The following CALU variants were observed in gnomAD, a reference collection of about 807,000 sequenced individuals.
CALU encodes calumenin, also known as IEF SSP 9302.
CALU carries 13 observed loss-of-function variants against 37.5 expected under a neutral mutation model. That is an observed-to-expected ratio of 0.35 (90% confidence interval 0.23 to 0.55). The LOEUF (loss-of-function observed/expected upper bound fraction) is 0.55. Among genes scored for constraint, CALU ranks in the 20% least tolerant of loss-of-function variants. CALU has a pLI of 0.89. For missense variants in CALU, 282 were observed against 391.7 expected (o/e 0.72, Z 2.36); for synonymous variants, 114 against 133.8 (o/e 0.85, Z 1.02).
At chr7:128,754,208 C>G (rs1232844305) in intron 2 of CALU, 54 bp from the exon 3 acceptor site, 2 of 1,413,854 alleles carry the variant, frequency 1.4e-6, no homozygotes, top group Non-Finnish European at 2.0e-6. Flanking sequence ...CTGGCTAAGT[C>G]CAGAGTTCTG....
At chr7:128,749,399 C>T (rs1022963999) in intron 2 of CALU, among the ~76,000 whole-genome samples, 2 of 152,106 alleles carry the variant, frequency 1.3e-5, no homozygotes, top group African/African-American at 4.8e-5. Flanking sequence ...TTGGCTCTCT[C>T]GGTAGACATC....
intron 2 of CALU, among the ~76,000 whole-genome samples, chr7:128,754,061 C>T (rs945708359): frequency 6.6e-6 from 1 of 152,182 alleles, no homozygotes; most frequent in African/African-American, 2.4e-5. Context: ...GATCCAAGTG[C>T]ACCAGCCATG....
intron 6 of CALU, among the ~76,000 whole-genome samples, chr7:128,768,307 A>G (rs1801409586): frequency 6.6e-6 from 1 of 152,070 alleles, no homozygotes; most frequent in Admixed American, 6.5e-5. Context: ...TTTATTTTAG[A>G]GCCTTTTTAA....
intron 3 of CALU, 75 bp downstream of exon 3, chr7:128,754,530 A>G: frequency 2.5e-6 from 4 of 1,574,872 alleles, no homozygotes; most frequent in Non-Finnish European, 3.5e-6. Flanking sequence ...GTCTTGTAGA[A>G]TGATTGTAGA....
intron 5 of CALU, among the ~76,000 whole-genome samples, chr7:128,762,060 A>G (rs1023312444): frequency 6.7e-6 from 1 of 149,942 alleles, no homozygotes; most frequent in African/African-American, 2.5e-5. Flanking sequence ...TTTTTTTTGG[A>G]GAAGTTTATC....
At chr7:128,753,294 A>G (rs1369559728) in intron 2 of CALU, among the ~76,000 whole-genome samples, 1 of 152,214 alleles carries the variant, frequency 6.6e-6, no homozygotes, top group Non-Finnish European at 1.5e-5. Flanking sequence ...CTTCTGTTGG[A>G]AGTTTTGACT....
intron 6 of CALU, among the ~76,000 whole-genome samples, 156 bp downstream of exon 6, chr7:128,767,811 C>T (rs181189790): frequency 2.0e-5 from 3 of 152,346 alleles, no homozygotes; most frequent in Admixed American, 2.0e-4. Flanking sequence ...CCTTTCAGGG[C>T]AGCACTAGCT....
chr7:128,751,809 T>C (rs1800686749), intron 2 of CALU, among the ~76,000 whole-genome samples: 1 of 152,230 alleles, frequency 6.6e-6, no homozygotes, highest in Non-Finnish European at 1.5e-5. Flanking sequence ...GCCCATTTAT[T>C]GATCCAAATT....
intron 1 of CALU, among the ~76,000 whole-genome samples, chr7:128,745,866 A>G (rs1800412655): frequency 6.6e-6 from 1 of 152,218 alleles, no homozygotes; most frequent in African/African-American, 2.4e-5. Context: ...ACAGCAGGAT[A>G]CAGTATTAAA....
In CALU at chr7:128,771,254, G is replaced by A. The variant is rs546015528; in HGVS notation, c.*2087G>A. ...GCAAAGACAGCAGCAAGCATTATAC[G>A]GTCATCTTGAATGATCCCTTTGAAA... On this transcript the variant is annotated 3_prime_UTR_variant, in exon 7 of 7. Transcript: ENST00000249364. 3 of 152,614 alleles carry A rather than the reference G, an allele frequency of 2.0e-5. No individual in the cohort carries two copies. Among genetic ancestry groups the A allele is most frequent in the African/African-American group, 4.8e-5 (2 of 41,524 alleles). The allele number at this position is 152,614 out of a possible 1,614,324, so 9.5% of individuals were successfully genotyped here.
intron 4 of CALU, 73 bp from the exon 5 acceptor site, chr7:128,759,719 A>G (rs909608092): frequency 1.2e-6 from 1 of 804,394 alleles, no homozygotes; most frequent in Admixed American, 1.8e-5. Context: ...GTTTACCTAA[A>G]CTAGATACTT....
chr7:128,750,913 T>C (rs1800646661), intron 2 of CALU, among the ~76,000 whole-genome samples: 3 of 152,260 alleles, frequency 2.0e-5, no homozygotes, highest in Admixed American at 2.0e-4. Flanking sequence ...AGGTATTTTT[T>C]CTTATTAAGA....
intron 5 of CALU, 94 bp downstream of exon 5, chr7:128,759,946 C>A: frequency 1.3e-6 from 1 of 758,320 alleles, no homozygotes; most frequent in Non-Finnish European, 2.3e-6. Context: ...GCCTGTAATC[C>A]CAACACTGGG....
At chr7:128,757,204 A>ATT (rs1800918367) in intron 3 of CALU, among the ~76,000 whole-genome samples, 2 of 152,176 alleles carry the variant, frequency 1.3e-5, no homozygotes, top group Non-Finnish European at 2.9e-5. Flanking sequence ...GGAGGAGAGC[A>ATT]CTTATGTAAG....
intron 3 of CALU, among the ~76,000 whole-genome samples, chr7:128,756,917 A>G (rs1330324020): frequency 1.3e-5 from 2 of 152,064 alleles, no homozygotes; most frequent in South Asian, 2.1e-4. Context: ...CTTTACAAAA[A>G]AAATATTAAA....
At chr7:128,766,948 A>G (rs911106374) in intron 5 of CALU, among the ~76,000 whole-genome samples, 1 of 152,148 alleles carries the variant, frequency 6.6e-6, no homozygotes, top group African/African-American at 2.4e-5. Flanking sequence ...AAAAATCTAT[A>G]TGTGGAACTG....
intron 1 of CALU, among the ~76,000 whole-genome samples, chr7:128,739,686 G>A (rs529346313): frequency 6.6e-6 from 1 of 152,112 alleles, no homozygotes; most frequent in Non-Finnish European, 1.5e-5. Context: ...GTCCCGTTGG[G>A]TACTGTTCTG....
At chr7:128,766,382 T>C (rs1801330299) in intron 5 of CALU, among the ~76,000 whole-genome samples, 1 of 152,000 alleles carries the variant, frequency 6.6e-6, no homozygotes, top group African/African-American at 2.4e-5. Context: ...TCATTTTTTT[T>C]CAGGCATTTG....
chr7:128,759,973 A>G, intron 5 of CALU, 121 bp downstream of exon 5: 1 of 620,350 alleles, frequency 1.6e-6, no homozygotes, highest in Non-Finnish European at 2.9e-6. Context: ...AGGCGGGCAG[A>G]TCACCTGAGG....
Sources: gnomAD v4.1 joint callset for allele counts (sites outside exome capture counted in the v4.1 genomes callset) on GRCh38, gnomAD v4.1.1 for gene constraint, MANE v1.5 for transcripts, NCBI Gene and HGNC (gene_info 2026-07-23, HGNC 2026-07-21) for gene names.